DHX8: variants seen among roughly 807,000 people sequenced by gnomAD.
DHX8 encodes the protein ATP-dependent RNA helicase DHX8.
DHX8 carries 67 observed loss-of-function variants against 140.7 expected under a neutral mutation model. The observed-to-expected ratio is 0.48, with a 90% CI of 0.39 to 0.58. The LOEUF is 0.58. DHX8 is among the 20% of genes least tolerant of loss of function. The pLI is 0.00. For missense variants in DHX8, 887 were observed against 1,550.7 expected, an observed-to-expected ratio of 0.57 and a Z score of 7.19; for synonymous variants, 533 against 553.2, an observed-to-expected ratio of 0.96 and a Z score of 0.51.
intron 1 of DHX8, among the ~76,000 whole-genome samples, chr17:43,487,770 A>G (rs536226068): frequency 6.6e-6 from 1 of 151,924 alleles, no homozygotes; most frequent in African/African-American, 2.4e-5. Context: ...TGAGGTCAGG[A>G]GTTCAAGACC....
At position 43,524,466 on chromosome 17, in the gene DHX8, G is replaced by T. The variant is rs930712291; in HGVS notation, c.*619G>T. 5.1e-6 allele frequency: 5 copies of T among 987,028 alleles called. No homozygotes were observed. Among genetic ancestry groups the T allele is most frequent in the African/African-American group, 3.5e-5 (2 of 57,184 alleles). The allele number at this position is 987,028 out of a possible 1,614,324, so 61.1% of individuals were successfully genotyped here. ...AAACCAGAACGCAGGGCCTCTTTGCGCTCGGAAACGACGTACAACCCAGAC... is the reference window on the plus strand; with the variant it reads ...AAACCAGAACGCAGGGCCTCTTTGCTCTCGGAAACGACGTACAACCCAGAC... On this transcript the variant is annotated 3_prime_UTR_variant, in exon 23 of 23. Coordinates refer to ENST00000262415, the MANE Select transcript of DHX8 (RefSeq NM_004941.3).
chr17:43,522,615 G>A (rs1000113620), intron 22 of DHX8, among the ~76,000 whole-genome samples: 3 of 151,888 alleles, frequency 2.0e-5, no homozygotes, highest in African/African-American at 4.8e-5. Context: ...AGGTATGGTG[G>A]CGCATGCCTG....
intron 11 of DHX8, among the ~76,000 whole-genome samples, chr17:43,503,220 A>G (rs76971300): frequency 0.24 from 37,006 of 151,908 alleles, 4,606 homozygotes; most frequent in Middle Eastern, 0.33. Context: ...AAATTAGTCC[A>G]GGCATGGTGG....
intron 7 of DHX8, 37 bp from the exon 8 acceptor site, chr17:43,493,646 C>G: frequency 6.2e-7 from 1 of 1,614,072 alleles, no homozygotes; most frequent in Non-Finnish European, 8.5e-7. Flanking sequence ...TGGAAGAGGA[C>G]AGCAAGTGAG....
Position 43,513,310 on chromosome 17 carries a change from C to G in DHX8, c.2503-52C>G, listed in dbSNP as rs1247587653. On this transcript the variant is annotated intron_variant, in intron 16 of 22. Coordinates refer to ENST00000262415, the MANE Select transcript of DHX8 (RefSeq NM_004941.3). ...CTGGGTTCAGAAGACCTTTTCACACCTCAGGGCTGAGCCTGGGCACCTCAC... is the reference window on the plus strand; with the variant it reads ...CTGGGTTCAGAAGACCTTTTCACACGTCAGGGCTGAGCCTGGGCACCTCAC... The G allele has an allele frequency of 1.9e-6, 3 of 1,594,434 alleles. No homozygotes were observed. The East Asian group carries it at 6.8e-5, about 36-fold the overall frequency.
chr17:43,533,660 A>G (rs993479038), intron 2 of DHX8, among the ~76,000 whole-genome samples: 3 of 152,024 alleles, frequency 2.0e-5, no homozygotes, highest in Admixed American at 6.5e-5. Context: ...TGGCCTCAGT[A>G]TATATTCCTG....
At chr17:43,544,058 T>G (rs1971667527) in intron 3 of DHX8, 1 of 152,202 alleles carries the variant, frequency 6.6e-6, no homozygotes, top group Admixed American at 6.5e-5. Flanking sequence ...CCTAGTGTTT[T>G]GGCTTCTTCA....
At chr17:43,488,960 G>A (rs1443230389) in intron 1 of DHX8, among the ~76,000 whole-genome samples, 2 of 151,928 alleles carry the variant, frequency 1.3e-5, no homozygotes, top group Non-Finnish European at 2.9e-5. Context: ...AATATGTGTG[G>A]ATAATTTCAG....
At chr17:43,510,079 G>A (rs561701199) in intron 16 of DHX8, among the ~76,000 whole-genome samples, 70 of 151,164 alleles carry the variant, frequency 4.6e-4, no homozygotes, top group African/African-American at 1.5e-3. Context: ...ATGGAGTTTC[G>A]CTCTTGTTGC....
At chr17:43,543,610 C>T (rs1050606503) in intron 3 of DHX8, among the ~76,000 whole-genome samples, 3 of 152,152 alleles carry the variant, frequency 2.0e-5, no homozygotes, top group Non-Finnish European at 2.9e-5. Flanking sequence ...ACTGACACCT[C>T]TGCATTCTTC....
In DHX8 at chr17:43,525,560, G is replaced by C. The variant is rs1350282750; in HGVS notation, c.*1713G>C. 8.1e-6 allele frequency: 8 copies of C among 985,458 alleles called. No homozygotes were observed. The highest frequency in any genetic ancestry group is 4.8e-6 in the Non-Finnish European group (4 of 829,980). The allele number at this position is 985,458 out of a possible 1,614,324, so 61.0% of individuals were successfully genotyped here. A position where few individuals can be genotyped will look rare whatever the true frequency, so the allele number is the denominator to read the frequency against. ...TGTGTGTTAACCTTGAAGGCCTTCTGGGGAGAGACAGTACAGGGACCTCAA... is the reference window on the plus strand; with the variant it reads ...TGTGTGTTAACCTTGAAGGCCTTCTCGGGAGAGACAGTACAGGGACCTCAA... On this transcript the variant is annotated 3_prime_UTR_variant, in exon 23 of 23. Coordinates refer to ENST00000262415, the MANE Select transcript of DHX8 (RefSeq NM_004941.3).
chr17:43,489,041 G>A (rs932498721), intron 1 of DHX8, among the ~76,000 whole-genome samples: 8 of 151,704 alleles, frequency 5.3e-5, no homozygotes, highest in African/African-American at 1.7e-4. Context: ...GTCTCACTCT[G>A]TTGCCCAGGC....
chr17:43,529,188 CG>C (rs772170201), downstream of DHX8: 1 of 1,613,814 alleles, frequency 6.2e-7, no homozygotes, highest in Non-Finnish European at 8.5e-7. Flanking sequence ...CTCAGCTTGT[CG>C]TAATTCATGG....
rs151095895 is a variant in DHX8 at position 43,533,899 on chromosome 17, G to A, written c.351-2513G>A. 309 of 1,596,752 alleles carry A rather than the reference G, an allele frequency of 1.9e-4. No homozygotes were observed. In the African/African-American group the frequency reaches 3.2e-3, roughly 16 times the overall value. ...TGCTCGCCATGGTGGTAGGGGAGTG[G>A]CGGCTTCCTGCTGCAGGACAGGGCC... On this transcript the variant is annotated intron_variant, in intron 2 of 3. Coordinates refer to the DHX8 transcript ENST00000589898.
rs748583446 is a variant in DHX8, at chr17:43,524,861, A to G, written c.*1014A>G. 3.1e-5 allele frequency: 31 copies of G among 985,234 alleles called. No homozygotes were observed. Among genetic ancestry groups the G allele is most frequent in the Non-Finnish European group, 3.4e-5 (28 of 829,938 alleles). 61.0% of individuals were successfully genotyped at this position (985,234 alleles called of 1,614,324 possible). ...CTCTCAGCTGGTTTGTGCTGCCAGT[A>G]TCTGTGCTGCAGGGCTTGTTCTTAG... is the stretch of plus-strand genomic sequence containing the variant. On this transcript the variant is annotated 3_prime_UTR_variant, in exon 23 of 23. Coordinates refer to ENST00000262415, the MANE Select transcript of DHX8 (RefSeq NM_004941.3).
chr17:43,522,702 C>T (rs1970433697), intron 22 of DHX8, among the ~76,000 whole-genome samples: 1 of 139,010 alleles, frequency 7.2e-6, no homozygotes, highest in African/African-American at 2.7e-5. Flanking sequence ...GAGCCGAAAT[C>T]ACCCATTGCA....
chr17:43,543,596 G>A (rs1971639302), intron 3 of DHX8, among the ~76,000 whole-genome samples: 1 of 152,094 alleles, frequency 6.6e-6, no homozygotes, highest in Non-Finnish European at 1.5e-5. Flanking sequence ...GAGAGCCCAC[G>A]GAAACTGACA....
At chr17:43,543,276 A>ACACT (rs1555559953) in intron 3 of DHX8, among the ~76,000 whole-genome samples, 10 of 138,258 alleles carry the variant, frequency 7.2e-5, no homozygotes, top group African/African-American at 1.6e-4. Context: ...ACACACACAC[A>ACACT]CTCTCTCTCT....
chr17:43,504,532 G>A, intron 11 of DHX8, 112 bp from the exon 12 acceptor site: 1 of 1,007,118 alleles, frequency 9.9e-7, no homozygotes, highest in Non-Finnish European at 1.5e-6. Context: ...TTGATCACGG[G>A]TCGCTGAATT....
Sources: gnomAD v4.1 joint callset for allele counts (sites outside exome capture counted in the v4.1 genomes callset) on GRCh38, gnomAD v4.1.1 for gene constraint, MANE v1.5 for transcripts, NCBI Gene and HGNC (gene_info 2026-07-23, HGNC 2026-07-21) for gene names.